ZNF609: variants seen among roughly 807,000 people sequenced by gnomAD.
ZNF609 encodes the protein zinc finger protein 609.
In ZNF609, 11 loss-of-function variants were observed where a neutral mutation model predicts 109.5. The observed-to-expected ratio is 0.10, with a 90% CI of 0.06 to 0.17. The LOEUF (loss-of-function observed/expected upper bound fraction) is 0.17, where lower values mean the gene tolerates loss of function less well. Ranked by LOEUF, ZNF609 falls within the 10% of genes least tolerant of loss-of-function variation. ZNF609 has a pLI of 1.00. For missense variants in ZNF609, 1,559 were observed against 1,772.4 expected (o/e 0.88, Z 2.16); for synonymous variants, 646 against 662.0 (o/e 0.98, Z 0.37).
chr15:64,555,903 AAAAAAAAAG>A (rs1894576709), intron 2 of ZNF609, among the ~76,000 whole-genome samples: 1 of 151,216 alleles, frequency 6.6e-6, no homozygotes, highest in Non-Finnish European at 1.5e-5. Flanking sequence ...AAAAAAAAAA[AAAAAAAAAG>A]AAAACCTGAA....
chr15:64,638,989 G>A (rs553544125), intron 3 of ZNF609, among the ~76,000 whole-genome samples: 6 of 151,936 alleles, frequency 3.9e-5, no homozygotes, highest in African/African-American at 1.4e-4. Context: ...ACCAGGTGCA[G>A]TGGCTCACAC....
At chr15:64,603,331 C>T (rs902343646) in intron 2 of ZNF609, among the ~76,000 whole-genome samples, 1 of 149,438 alleles carries the variant, frequency 6.7e-6, no homozygotes, top group African/African-American at 2.5e-5. Flanking sequence ...AGTGCAGTGG[C>T]ATGATCTTGG....
intron 2 of ZNF609, among the ~76,000 whole-genome samples, chr15:64,553,970 C>G (rs538623417): frequency 6.6e-6 from 1 of 152,266 alleles, no homozygotes; most frequent in Non-Finnish European, 1.5e-5. Flanking sequence ...TTCTTAGTAG[C>G]TTCTTTTAAG....
At position 64,653,812 on chromosome 15, in the gene ZNF609, T is replaced by A. The variant is rs533800645; in HGVS notation, c.974-16534T>A. On this transcript the variant is annotated intron_variant, in intron 3 of 9. Transcript: ENST00000326648. ...CTAGAGTTTGCGTTATCTGTTATTTTAATTTCTTAGTAGTGTCCAAGATAT... is the reference window on the plus strand; with the variant it reads ...CTAGAGTTTGCGTTATCTGTTATTTAAATTTCTTAGTAGTGTCCAAGATAT... Among the ~76,000 whole-genome samples the A allele has an allele frequency of 2.0e-5, 3 of 152,324 alleles. No homozygotes were observed. In the South Asian group the frequency reaches 6.2e-4, roughly 32 times the overall value.
intron 1 of ZNF609, among the ~76,000 whole-genome samples, chr15:64,490,070 C>T (rs1290418345): frequency 6.6e-6 from 1 of 151,968 alleles, no homozygotes; most frequent in African/African-American, 2.4e-5. Context: ...CAGATAATCC[C>T]ATCTCAGCCT....
intron 1 of ZNF609, among the ~76,000 whole-genome samples, chr15:64,482,888 G>A (rs911687886): frequency 1.2e-4 from 19 of 152,030 alleles, no homozygotes; most frequent in South Asian, 2.1e-4. Context: ...ATTTTCTGAC[G>A]GTAAATACTT....
chr15:64,676,440 A>G (rs1052201298), intron 5 of ZNF609, among the ~76,000 whole-genome samples, 184 bp downstream of exon 5: 2 of 151,630 alleles, frequency 1.3e-5, no homozygotes, highest in Non-Finnish European at 2.9e-5. Flanking sequence ...TAGTATTATT[A>G]TTTTTTTTGA....
Position 64,613,897 on chromosome 15 carries a change from A to C in ZNF609, c.748-8930A>C, listed in dbSNP as rs570578989. On this transcript the variant is annotated intron_variant, in intron 2 of 9. Coordinates refer to ENST00000326648, the MANE Select transcript of ZNF609 (RefSeq NM_015042.2). ...TTGTCTCAAAATTCCAGTCAACAGAAAGTGGTTCAAATAATTGAAGATTTT... is the reference window on the plus strand; with the variant it reads ...TTGTCTCAAAATTCCAGTCAACAGACAGTGGTTCAAATAATTGAAGATTTT... Among the ~76,000 whole-genome samples, 5 of 151,430 alleles carry C rather than the reference A, an allele frequency of 3.3e-5. No homozygotes were observed. The South Asian group carries it at 1.0e-3, about 32-fold the overall frequency.
At chr15:64,544,671 C>G (rs117358202) in intron 2 of ZNF609, among the ~76,000 whole-genome samples, 1,618 of 152,298 alleles carry the variant, frequency 0.011, 16 homozygotes, top group Non-Finnish European at 0.017. Flanking sequence ...CCAAAGCCAG[C>G]AGTGACTGTC....
chr15:64,502,914 CG>C (rs1893581571), intron 2 of ZNF609: 1 of 152,034 alleles, frequency 6.6e-6, no homozygotes, highest in Admixed American at 6.6e-5. Context: ...AAAAATTAGC[CG>C]GGCATTGGTG....
intron 2 of ZNF609, among the ~76,000 whole-genome samples, chr15:64,564,682 A>G (rs1010173168): frequency 1.3e-5 from 2 of 152,022 alleles, no homozygotes; most frequent in African/African-American, 4.8e-5. Context: ...GGTGAAGAGA[A>G]GTATAACCTA....
chr15:64,479,769 AT>A (rs1014484500), intron 1 of ZNF609, among the ~76,000 whole-genome samples: 15 of 152,032 alleles, frequency 9.9e-5, no homozygotes, highest in African/African-American at 3.6e-4. Flanking sequence ...AAATACAAAC[AT>A]TAGCTGGGCA....
At chr15:64,467,458 A>G (rs1893031160) in intron 1 of ZNF609, among the ~76,000 whole-genome samples, 1 of 152,216 alleles carries the variant, frequency 6.6e-6, no homozygotes, top group African/African-American at 2.4e-5. Context: ...GACCTTTGCC[A>G]CAAGTGTCAC....
At chr15:64,630,440 A>G (rs1286001476) in intron 3 of ZNF609, among the ~76,000 whole-genome samples, 2 of 151,972 alleles carry the variant, frequency 1.3e-5, no homozygotes, top group African/African-American at 4.8e-5. Flanking sequence ...TCATCTCTGT[A>G]TAATTTTTTA....
chr15:64,474,316 C>G (rs1378335018), intron 1 of ZNF609, among the ~76,000 whole-genome samples: 1 of 151,710 alleles, frequency 6.6e-6, no homozygotes, highest in Admixed American at 6.6e-5. Context: ...CAGGTTCAAG[C>G]AATTCTCCTG....
chr15:64,654,687 A>G (rs775039197), intron 3 of ZNF609, among the ~76,000 whole-genome samples: 6 of 152,202 alleles, frequency 3.9e-5, no homozygotes, highest in African/African-American at 1.4e-4. Context: ...ATGTATCTCC[A>G]TAGCCCCTTA....
At chr15:64,575,254 G>A (rs369684720) in intron 2 of ZNF609, among the ~76,000 whole-genome samples, 2 of 152,138 alleles carry the variant, frequency 1.3e-5, no homozygotes, top group African/African-American at 2.4e-5. Flanking sequence ...GAGAAACCCC[G>A]TCTCTACTAA....
chr15:64,466,021 C>A (rs1330164080), intron 1 of ZNF609, among the ~76,000 whole-genome samples: 1 of 143,526 alleles, frequency 7.0e-6, no homozygotes, highest in Non-Finnish European at 1.5e-5. Flanking sequence ...GAGGCTGAGG[C>A]AGGAGAATCG....
chr15:64,667,086 G>A (rs983398733), intron 3 of ZNF609, among the ~76,000 whole-genome samples: 19 of 152,042 alleles, frequency 1.2e-4, no homozygotes, highest in East Asian at 7.8e-4. Flanking sequence ...GCCGAGATTC[G>A]TGCCACTGCA....
Sources: allele counts gnomAD v4.1 joint callset (sites outside exome capture counted in the v4.1 genomes callset), GRCh38; gene constraint gnomAD v4.1.1; transcripts MANE v1.5; gene names NCBI Gene and HGNC (gene_info 2026-07-23, HGNC 2026-07-21).